BPTF: variants seen among roughly 807,000 people sequenced by gnomAD.
BPTF encodes the protein bromodomain PHD finger transcription factor.
In BPTF, 18 loss-of-function variants were observed where a neutral mutation model predicts 292.5. The observed-to-expected ratio is 0.06, with a 90% CI of 0.04 to 0.09. The LOEUF (loss-of-function observed/expected upper bound fraction) is 0.09, where lower values mean the gene tolerates loss of function less well. Ranked by LOEUF, BPTF falls within the 10% of genes least tolerant of loss-of-function variation. The probability of loss-of-function intolerance (pLI) is 1.00; values close to 1 mark genes in which losing one functional copy is unlikely to be tolerated. For synonymous variants in BPTF, 1,225 were observed against 1,251.9 expected (o/e 0.98, Z 0.45); for missense variants, 2,726 against 3,498.7 (o/e 0.78, Z 5.57).
chr17:67,900,788 TCA>T (rs754836697), intron 7 of BPTF, among the ~76,000 whole-genome samples: 1 of 151,846 alleles, frequency 6.6e-6, no homozygotes, highest in Non-Finnish European at 1.5e-5. Context: ...GGAGGGAGGA[TCA>T]CCTGAAGTGA....
chr17:67,882,802 T>G (rs933289812), intron 4 of BPTF, among the ~76,000 whole-genome samples: 2 of 150,910 alleles, frequency 1.3e-5, no homozygotes, highest in Non-Finnish European at 2.9e-5. Flanking sequence ...AGCTCACAAG[T>G]TCAAGACCAG....
chr17:67,826,362 A>G (rs376661089), intron 1 of BPTF, 25 bp downstream of exon 1: 3 of 1,589,998 alleles, frequency 1.9e-6, no homozygotes, highest in East Asian at 2.3e-5. Flanking sequence ...CAGTTGCTGC[A>G]GACTCCTTCC....
In BPTF at chr17:67,940,660, A is replaced by T. The variant is rs1238672775; in HGVS notation, c.6477+4A>T. On this transcript the variant is annotated splice_donor_region_variant and intron_variant, in intron 19 of 27. Transcript: ENST00000306378. ...TACTCAGTTAACACAGGGCCACGTA[A>T]GTAACATAAGCTTTATTTTAACTTT... The T allele has an allele frequency of 1.2e-6, 2 of 1,609,834 alleles. No homozygotes were observed. Among genetic ancestry groups the T allele is most frequent in the African/African-American group, 2.7e-5 (2 of 74,828 alleles).
intron 24 of BPTF, among the ~76,000 whole-genome samples, chr17:67,961,356 G>A (rs1350697818): frequency 6.6e-6 from 1 of 152,160 alleles, no homozygotes; most frequent in Admixed American, 6.5e-5. Context: ...AGATGAGTTA[G>A]TGTTTCTAAG....
chr17:67,845,722 A>G (rs568411428), intron 1 of BPTF, among the ~76,000 whole-genome samples: 4 of 152,132 alleles, frequency 2.6e-5, no homozygotes, highest in Admixed American at 6.5e-5. Flanking sequence ...GCAGTGAGCT[A>G]TGATAGCACC....
Position 67,911,968 on chromosome 17 carries a change from A to G in BPTF, c.4084A>G (p.Ser1362Gly). 6.2e-7 allele frequency: 1 copy of G among 1,614,162 alleles called. No individual in the cohort carries two copies. The highest frequency in any genetic ancestry group is 8.5e-7 in the Non-Finnish European group (1 of 1,180,024). Residue 1362 changes from serine (S) to glycine (G), a missense_variant, in exon 11 of 28, where the codon AGT (serine) becomes GGT (glycine). Physicochemically the swap from Ser to Gly is moderately conservative, Grantham distance 56. Transcript: ENST00000306378. ...KGTEANGKKP[S>G]QQKKLEERPV... ...GACTGAAGCAAATGGTAAAAAACCA[A>G]GTCAGCAGAAGAAATTAGAGGAGAG... is the stretch of plus-strand genomic sequence containing the variant.
Position 67,929,453 on chromosome 17 carries a change from C to G in BPTF, c.6116C>G (p.Thr2039Ser). Residue 2039 changes from threonine to serine, a missense_variant, in exon 17 of 28, where the codon ACC becomes AGC. Transcript: ENST00000306378. ...GCAACAGTCACAATTAGGCCCAATACCTCAGGCTCTGGAGGAACCACAAGC... is the reference window on the plus strand; with the variant it reads ...GCAACAGTCACAATTAGGCCCAATAGCTCAGGCTCTGGAGGAACCACAAGC... ...RTATVTIRPN[T>S]SGSGGTTSNS... 6.2e-7 allele frequency: 1 copy of G among 1,614,168 alleles called. No individual in the cohort carries two copies. Among genetic ancestry groups the G allele is most frequent in the Non-Finnish European group, 8.5e-7 (1 of 1,180,030 alleles).
At chr17:67,864,253 C>A (rs556727867) in intron 2 of BPTF, among the ~76,000 whole-genome samples, 1 of 152,038 alleles carries the variant, frequency 6.6e-6, no homozygotes, top group Non-Finnish European at 1.5e-5. Flanking sequence ...CAGCCCGGTG[C>A]GGTGGCTCGT....
chr17:67,840,420 CTTTA>C (rs2057458688), intron 1 of BPTF, among the ~76,000 whole-genome samples: 1 of 151,092 alleles, frequency 6.6e-6, no homozygotes, highest in Non-Finnish European at 1.5e-5. Context: ...ATACCAAAAT[CTTTA>C]TTTAAGATGT....
rs375044019 is a variant in BPTF, at chr17:67,909,694, A to G, written c.2925A>G (p.Ser975=). ...CTGAAAAAGATGAGGTAAAAGGTTC[A>G]GATGCTGCAAAAGGAGCAGACCAAA... is the stretch of plus-strand genomic sequence containing the variant. ...PDSEKDEVKG[S]DAAKGADQNE... The change falls in exon 10 of 28, where the codon TCA becomes TCG. Residue 975 remains serine, a synonymous_variant. Transcript: ENST00000306378. 9 of 1,600,616 alleles carry G rather than the reference A, an allele frequency of 5.6e-6. No homozygotes were observed. In the African/African-American group the frequency reaches 1.2e-4, roughly 22 times the overall value.
In BPTF at chr17:67,854,098, A is replaced by C. The variant is rs776939279; in HGVS notation, c.772A>C (p.Thr258Pro). Residue 258 changes from threonine (T) to proline (P), a missense_variant, in exon 2 of 28, where the codon ACT (threonine) becomes CCT (proline). By Grantham distance (38) the Thr-to-Pro change is conservative. This residue lies in a region of BPTF where 102 missense variants were observed against 212.6 expected (regional missense o/e 0.48). Transcript: ENST00000306378. The surrounding 1 kb of genome is among the most constrained non-coding windows in gnomAD (Gnocchi z 5.6). Reference protein sequence around the residue: ...AIYEVLRNFGTVLRLSPFRFE... With the variant: ...AIYEVLRNFGPVLRLSPFRFE... ...TTACGAGGTACTGCGGAACTTTGGCACTGTTTTGAGATTATCTCCTTTTCG... is the reference window on the plus strand; with the variant it reads ...TTACGAGGTACTGCGGAACTTTGGCCCTGTTTTGAGATTATCTCCTTTTCG... The C allele has an allele frequency of 1.2e-6, 2 of 1,614,194 alleles. No homozygotes were observed. Among genetic ancestry groups the C allele is most frequent in the Non-Finnish European group, 1.7e-6 (2 of 1,180,040 alleles).
intron 24 of BPTF, among the ~76,000 whole-genome samples, chr17:67,961,650 C>T (rs1445927886): frequency 6.6e-6 from 1 of 151,856 alleles, no homozygotes; most frequent in Non-Finnish European, 1.5e-5. Context: ...TGTTTGAGAC[C>T]AGTCTGGGCA....
At chr17:67,890,268 G>T (rs1291180385) in intron 4 of BPTF, among the ~76,000 whole-genome samples, 1 of 152,152 alleles carries the variant, frequency 6.6e-6, no homozygotes, top group Non-Finnish European at 1.5e-5. Context: ...AGCCTCAGGT[G>T]CATTGTTGGA....
intron 1 of BPTF, among the ~76,000 whole-genome samples, chr17:67,844,060 C>T (rs1215947555): frequency 1.1e-4 from 15 of 137,444 alleles, no homozygotes; most frequent in Non-Finnish European, 2.1e-4. Flanking sequence ...CCACCGTGCC[C>T]GGCCCCCGCC....
intron 23 of BPTF, 61 bp downstream of exon 23, chr17:67,948,367 T>A: frequency 2.8e-6 from 4 of 1,429,874 alleles, no homozygotes; most frequent in Non-Finnish European, 3.8e-6. Flanking sequence ...TCTGCTTTTT[T>A]CCCTTGCCTT....
Position 67,944,302 on chromosome 17 carries a change from C to T in BPTF, c.6630C>T (p.Leu2210=). The T allele has an allele frequency of 6.2e-7, 1 of 1,614,158 alleles. No individual in the cohort carries two copies. The highest frequency in any genetic ancestry group is 8.5e-7 in the Non-Finnish European group (1 of 1,180,044). ...AMPNGTVQRF[L]FTPLATTATT... Reference sequence around the variant, plus strand: ...CAAATGGTACTGTTCAGCGATTCCTCTTTACCCCATTGGCAACAACAGCCA... The same window carrying T: ...CAAATGGTACTGTTCAGCGATTCCTTTTTACCCCATTGGCAACAACAGCCA... Residue 2210 remains leucine (L), a synonymous_variant, in exon 20 of 28, where the codon CTC becomes CTT. Coordinates refer to ENST00000306378, the MANE Select transcript of BPTF (RefSeq NM_182641.4).
intron 7 of BPTF, among the ~76,000 whole-genome samples, chr17:67,897,132 G>T (rs1252381410): frequency 2.0e-5 from 3 of 151,252 alleles, no homozygotes; most frequent in Non-Finnish European, 2.9e-5. Flanking sequence ...TTCGAGACCA[G>T]CCTGACGAAC....
rs1242781584 is a variant in BPTF at position 67,874,000 on chromosome 17, A to ATGGG, written c.1661-814_1661-813insGTGG. On this transcript the variant is annotated intron_variant, in intron 3 of 27. Coordinates refer to ENST00000306378, the MANE Select transcript of BPTF (RefSeq NM_182641.4). The stretch of plus-strand genomic sequence containing the variant: ...TGGAAAGTAAGAAAATGCTGGATGG[A>ATGGG]TGGATGGATGGATGGATGGATGGAT... Among the ~76,000 whole-genome samples, 21 of 151,974 alleles carry ATGGG rather than the reference A, an allele frequency of 1.4e-4. No individual in the cohort carries two copies. The East Asian group carries it at 4.1e-3, about 29-fold the overall frequency.
intron 7 of BPTF, among the ~76,000 whole-genome samples, chr17:67,902,099 G>A (rs972366591): frequency 1.3e-5 from 2 of 152,166 alleles, no homozygotes; most frequent in Non-Finnish European, 2.9e-5. Flanking sequence ...TCAGAGATTA[G>A]CCATAAGACT....
Sources: gnomAD v4.1 joint callset for allele counts (sites outside exome capture counted in the v4.1 genomes callset) on GRCh38, gnomAD v4.1.1 for gene constraint, gnomAD v4.1.1 regional missense constraint, Gnocchi (gnomAD v3.1) non-coding constraint, MANE v1.5 for transcripts, NCBI Gene and HGNC (gene_info 2026-07-23, HGNC 2026-07-21) for gene names.